CSMD1: variants seen among roughly 807,000 people sequenced by gnomAD.
The protein encoded by CSMD1 is CUB and sushi domain-containing protein 1.
Under a neutral mutation model 417.5 loss-of-function variants are expected in CSMD1, and 213 were observed. That is an observed-to-expected ratio of 0.51 (90% CI 0.46 to 0.57). CSMD1 has a LOEUF of 0.57. CSMD1 is among the 20% of genes least tolerant of loss of function. The probability of loss-of-function intolerance (pLI) is 0.00; values close to 1 mark genes in which losing one functional copy is unlikely to be tolerated. For synonymous variants in CSMD1, 2,862 were observed against 1,736.8 expected, an observed-to-expected ratio of 1.65 and a Z score of -16.11; for missense variants, 6,923 against 4,529.7, an observed-to-expected ratio of 1.53 and a Z score of -15.17.
At chr8:3,633,644 C>T (rs147537048) in intron 7 of CSMD1, among the ~76,000 whole-genome samples, 4 of 152,220 alleles carry the variant, frequency 2.6e-5, no homozygotes, top group Admixed American at 2.0e-4. Flanking sequence ...ATGTTAATGA[C>T]ATATTTTTCA....
intron 1 of CSMD1, among the ~76,000 whole-genome samples, chr8:4,892,579 C>T (rs937233765): frequency 6.6e-6 from 1 of 152,052 alleles, no homozygotes; most frequent in Non-Finnish European, 1.5e-5. Context: ...TTTAAAAAAT[C>T]ATACAGAAAT....
intron 26 of CSMD1, among the ~76,000 whole-genome samples, chr8:3,271,334 G>A (rs1210842056): frequency 6.6e-6 from 1 of 151,786 alleles, no homozygotes; most frequent in Non-Finnish European, 1.5e-5. Flanking sequence ...ATCATTGTTG[G>A]ACATTTGGGT....
At position 3,104,339 on chromosome 8, in the gene CSMD1, G is replaced by C. The variant is rs188126218; in HGVS notation, c.6949+2189C>G. On this transcript the variant is annotated intron_variant, in intron 46 of 69. Transcript: ENST00000635120. Reference sequence around the variant, plus strand: ...CTTTCTTCTAAGAAGACAGTGACTTGGATCTCCTGACTTTGCACCCAATGC... The same window carrying C: ...CTTTCTTCTAAGAAGACAGTGACTTCGATCTCCTGACTTTGCACCCAATGC... Among the ~76,000 whole-genome samples, 7 of 152,200 alleles carry C rather than the reference G, an allele frequency of 4.6e-5. No individual in the cohort carries two copies. The South Asian group carries it at 6.2e-4, about 14-fold the overall frequency.
At chr8:4,909,875 G>C (rs928338677) in intron 1 of CSMD1, among the ~76,000 whole-genome samples, 5 of 152,168 alleles carry the variant, frequency 3.3e-5, no homozygotes, top group African/African-American at 1.2e-4. Context: ...AGAAGTCATT[G>C]ATTTGGGGTT....
At chr8:3,041,417 A>C (rs761913502) in intron 50 of CSMD1, among the ~76,000 whole-genome samples, 1 of 152,316 alleles carries the variant, frequency 6.6e-6, no homozygotes, top group Middle Eastern at 3.4e-3. Context: ...ATGCTTGAAA[A>C]GGCGCTAACA....
chr8:4,381,340 G>A (rs1034646544), intron 3 of CSMD1, among the ~76,000 whole-genome samples: 4 of 152,130 alleles, frequency 2.6e-5, no homozygotes, highest in Admixed American at 2.6e-4. Context: ...CCAACACAAT[G>A]GATGAGGCAT....
intron 2 of CSMD1, among the ~76,000 whole-genome samples, chr8:4,620,283 G>A (rs1010196547): frequency 6.6e-6 from 1 of 151,500 alleles, no homozygotes; most frequent in Admixed American, 6.6e-5. Context: ...CTGTTCTCCT[G>A]TAAGAAATAT....
At chr8:3,553,720 A>G (rs1799018576) in intron 10 of CSMD1, among the ~76,000 whole-genome samples, 1 of 152,264 alleles carries the variant, frequency 6.6e-6, no homozygotes, top group South Asian at 2.1e-4. Flanking sequence ...TTCTGAAGAC[A>G]TTAAAATATG....
chr8:4,922,996 G>C (rs1258645845), intron 1 of CSMD1, among the ~76,000 whole-genome samples: 2 of 152,112 alleles, frequency 1.3e-5, no homozygotes, highest in Non-Finnish European at 1.5e-5. Flanking sequence ...AACAGTAACA[G>C]TCCCTAGCAT....
At chr8:4,257,813 G>A (rs960351917) in intron 3 of CSMD1, among the ~76,000 whole-genome samples, 1 of 152,172 alleles carries the variant, frequency 6.6e-6, no homozygotes, top group Non-Finnish European at 1.5e-5. Context: ...TGTGCATGAG[G>A]TTGCATGCAT....
At chr8:4,847,523 G>C (rs910371915) in intron 1 of CSMD1, among the ~76,000 whole-genome samples, 4 of 152,054 alleles carry the variant, frequency 2.6e-5, no homozygotes, top group Admixed American at 1.3e-4. Flanking sequence ...TCATACACTT[G>C]TCATGGTTAG....
intron 3 of CSMD1, among the ~76,000 whole-genome samples, chr8:4,142,511 T>C (rs1196701380): frequency 6.6e-6 from 1 of 151,310 alleles, no homozygotes. Context: ...AAAGGAGCTG[T>C]TCTAGATGAA....
At chr8:3,709,213 T>C (rs1177288893) in intron 6 of CSMD1, among the ~76,000 whole-genome samples, 4 of 151,346 alleles carry the variant, frequency 2.6e-5, no homozygotes, top group Non-Finnish European at 4.4e-5. Context: ...GATTATAGAA[T>C]ATAAAATGTT....
At chr8:4,453,170 C>T (rs185793765) in intron 2 of CSMD1, among the ~76,000 whole-genome samples, 1 of 151,354 alleles carries the variant, frequency 6.6e-6, no homozygotes, top group East Asian at 2.0e-4. Flanking sequence ...AGCCCGTTCC[C>T]CCCTCCATCC....
chr8:3,465,583 G>A (rs773864670), intron 12 of CSMD1, among the ~76,000 whole-genome samples: 1 of 152,126 alleles, frequency 6.6e-6, no homozygotes, highest in Non-Finnish European at 1.5e-5. Context: ...AGCAGAGACC[G>A]TGAACATCTT....
intron 3 of CSMD1, among the ~76,000 whole-genome samples, chr8:4,384,447 G>GT (rs1178282661): frequency 6.6e-6 from 1 of 152,060 alleles, no homozygotes; most frequent in Non-Finnish European, 1.5e-5. Context: ...ACACTTGCTG[G>GT]TTTTTTCAAA....
intron 5 of CSMD1, among the ~76,000 whole-genome samples, chr8:3,986,205 G>C (rs1192954671): frequency 1.3e-5 from 2 of 152,110 alleles, no homozygotes; most frequent in Non-Finnish European, 2.9e-5. Flanking sequence ...TCGGTCCTGA[G>C]ATGGTGCAAA....
chr8:4,455,929 CAAAAAAAAAAAAAAAAAAAAAAAAA>C (rs71207091), intron 2 of CSMD1, among the ~76,000 whole-genome samples: 1 of 11,646 alleles, frequency 8.6e-5, no homozygotes, highest in South Asian at 6.7e-3. Context: ...ACTCCAACTC[CAAAAAAAAAAAAAAAAAAAAAAAAA>C]AAAAAAAAAT....
chr8:3,954,665 T>A (rs1328107571), intron 5 of CSMD1, among the ~76,000 whole-genome samples: 2 of 152,310 alleles, frequency 1.3e-5, no homozygotes, highest in Admixed American at 1.3e-4. Flanking sequence ...CCTGGCCGGA[T>A]CCCAGGACTT....
Sources: allele counts gnomAD v4.1 joint callset (sites outside exome capture counted in the v4.1 genomes callset), GRCh38; gene constraint gnomAD v4.1.1; transcripts MANE v1.5; gene names NCBI Gene and HGNC (gene_info 2026-07-23, HGNC 2026-07-21).